The following PHEX variants were observed in gnomAD, a reference collection of about 807,000 sequenced individuals.
PHEX encodes the protein phosphate-regulating neutral endopeptidase PHEX.
PHEX carries 16 observed loss-of-function variants against 68.0 expected under a neutral mutation model. The observed-to-expected ratio is 0.24, with a 90% CI of 0.16 to 0.36. The LOEUF (loss-of-function observed/expected upper bound fraction) is 0.36. Among genes scored for constraint, PHEX ranks in the 10% least tolerant of loss-of-function variants. The probability of loss-of-function intolerance (pLI) is 1.00; values close to 1 mark genes in which losing one functional copy is unlikely to be tolerated. For synonymous variants in PHEX, 208 were observed against 205.1 expected, an observed-to-expected ratio of 1.01 and a Z score of -0.12; for missense variants, 480 against 575.5, an observed-to-expected ratio of 0.83 and a Z score of 1.70.
At chrX:22,125,294 C>T (rs1444594128) in intron 11 of PHEX, among the ~76,000 whole-genome samples, 2 of 111,363 alleles carry the variant, frequency 1.8e-5, no homozygotes, top group Non-Finnish European at 3.8e-5. Context: ...AGAAAACTTG[C>T]CCTGTTCTAG....
chrX:22,148,372 G>A (rs997723377), intron 12 of PHEX, among the ~76,000 whole-genome samples: 12 of 111,698 alleles, frequency 1.1e-4, no homozygotes, highest in African/African-American at 3.9e-4. Context: ...AATAATAATT[G>A]TATATATATT....
intron 12 of PHEX, among the ~76,000 whole-genome samples, chrX:22,162,061 A>C (rs918009155): frequency 7.1e-5 from 8 of 111,957 alleles, no homozygotes; most frequent in African/African-American, 2.6e-4. Context: ...AGAAACCAAG[A>C]TGGCAAGTGC....
intron 14 of PHEX, among the ~76,000 whole-genome samples, chrX:22,179,932 TTTG>T (rs1933832761): frequency 9.0e-6 from 1 of 110,874 alleles, no homozygotes; most frequent in East Asian, 2.8e-4. Context: ...CTTAACATTT[TTTG>T]TTGTTGTTGC....
chrX:22,151,034 C>T (rs1036386521), intron 12 of PHEX, among the ~76,000 whole-genome samples: 7 of 111,883 alleles, frequency 6.3e-5, no homozygotes, highest in Non-Finnish European at 3.8e-5. Flanking sequence ...TTTCCTTGAC[C>T]TGCATTTTAC....
intron 15 of PHEX, among the ~76,000 whole-genome samples, chrX:22,199,742 C>T (rs146747420): frequency 0.03 from 3,407 of 112,012 alleles, 67 homozygotes; most frequent in Non-Finnish European, 0.047. Context: ...GAGAAGCTTC[C>T]TTTCAGTGCT....
intron 3 of PHEX, among the ~76,000 whole-genome samples, chrX:22,072,645 A>G (rs1183641913): frequency 3.6e-5 from 4 of 112,341 alleles, no homozygotes; most frequent in Non-Finnish European, 7.5e-5. Context: ...CACTTCTACA[A>G]ATCAATAACA....
intron 11 of PHEX, among the ~76,000 whole-genome samples, chrX:22,128,944 G>A (rs1931858271): frequency 9.3e-6 from 1 of 107,075 alleles, no homozygotes; most frequent in Non-Finnish European, 1.9e-5. Flanking sequence ...ACTATCATAA[G>A]GTTTATTTTA....
At chrX:22,111,607 T>C (rs747961247) in intron 10 of PHEX, 47 bp downstream of exon 10, 18 of 916,824 alleles carry the variant, frequency 2.0e-5, no homozygotes, top group Non-Finnish European at 2.4e-5. Flanking sequence ...TAACTTTACA[T>C]GCTGGAATAG....
At chrX:22,135,418 C>T (rs1037004530) in intron 12 of PHEX, among the ~76,000 whole-genome samples, 1 of 112,338 alleles carries the variant, frequency 8.9e-6, no homozygotes, top group Non-Finnish European at 1.9e-5. Flanking sequence ...TCTTTATCCT[C>T]GCCTGACCCC....
Position 22,224,020 on chromosome X carries a change from T to C in PHEX, c.1899+2277T>C, listed in dbSNP as rs189759007. Among the ~76,000 whole-genome samples, 600 of 112,171 alleles carry C rather than the reference T, an allele frequency of 5.3e-3. 12 individuals are homozygous for C. The highest frequency in any genetic ancestry group is 0.052 in the Admixed American group (556 of 10,608). On this transcript the variant is annotated intron_variant, in intron 18 of 21. Transcript: ENST00000379374. ...TTTTTTGAGACAGCGTCTCGCTGAG[T>C]CACCCAGGCTGGAGTGCGGTGGTGT...
chrX:22,232,969 A>C (rs878988892), intron 20 of PHEX, among the ~76,000 whole-genome samples: 32 of 110,749 alleles, frequency 2.9e-4, no homozygotes, highest in Non-Finnish European at 4.7e-4. Context: ...TGCTTCTTTG[A>C]GGAGCTCTTG....
At chrX:22,132,706 T>C (rs143450978) in intron 11 of PHEX, among the ~76,000 whole-genome samples, 113 of 111,646 alleles carry the variant, frequency 1.0e-3, no homozygotes, top group African/African-American at 3.5e-3. Flanking sequence ...CTCAGTCCTT[T>C]ATTAAATGAT....
intron 7 of PHEX, among the ~76,000 whole-genome samples, chrX:22,096,257 C>T (rs1221405154): frequency 8.9e-6 from 1 of 112,563 alleles, no homozygotes; most frequent in Non-Finnish European, 1.9e-5. Context: ...GGAAGATAAT[C>T]ATTGCTGCTG....
At chrX:22,172,910 C>A (rs1003441107) in intron 13 of PHEX, 2 of 110,976 alleles carry the variant, frequency 1.8e-5, no homozygotes, top group African/African-American at 6.6e-5. Flanking sequence ...GAGTGATACA[C>A]ACATATATAG....
At chrX:22,050,290 A>G (rs965998028) in intron 3 of PHEX, among the ~76,000 whole-genome samples, 1 of 112,230 alleles carries the variant, frequency 8.9e-6, no homozygotes, top group African/African-American at 3.2e-5. Flanking sequence ...AAGAAATACC[A>G]GAACAGGCTG....
At chrX:22,124,805 G>A (rs1429864652) in intron 11 of PHEX, among the ~76,000 whole-genome samples, 1 of 111,769 alleles carries the variant, frequency 8.9e-6, no homozygotes, top group Non-Finnish European at 1.9e-5. Context: ...AACTCCTCCT[G>A]TACCACCAGA....
At position 22,121,762 on chromosome X, in the gene PHEX, A is replaced by G. The variant is rs140538950; in HGVS notation, c.1302+7176A>G. ...TCTAGCAGCTATTCTATTTCTCTTT[A>G]AAGACATTGTTCATGTCCCCAAGTA... On this transcript the variant is annotated intron_variant, in intron 11 of 21. Transcript: ENST00000379374. Among the ~76,000 whole-genome samples the G allele has an allele frequency of 8.4e-3, 947 of 112,092 alleles. 5 individuals carry two copies. The highest frequency in any genetic ancestry group is 0.029 in the African/African-American group (903 of 30,878).
At chrX:22,195,607 A>G (rs1270450944) in intron 15 of PHEX, among the ~76,000 whole-genome samples, 1 of 108,722 alleles carries the variant, frequency 9.2e-6, no homozygotes, top group African/African-American at 3.5e-5. Context: ...AAAAAAAAAA[A>G]GAGATTTTAT....
chrX:22,091,437 C>T (rs1362805132), intron 6 of PHEX, among the ~76,000 whole-genome samples: 2 of 111,920 alleles, frequency 1.8e-5, no homozygotes, highest in African/African-American at 6.5e-5. Context: ...CCACTTGGTC[C>T]CTCTTTTCTA....
Sources: gnomAD v4.1 joint callset for allele counts (sites outside exome capture counted in the v4.1 genomes callset) on GRCh38, gnomAD v4.1.1 for gene constraint, MANE v1.5 for transcripts, NCBI Gene and HGNC (gene_info 2026-07-23, HGNC 2026-07-21) for gene names.